LAMB4: variants seen among roughly 807,000 people sequenced by gnomAD.
The protein encoded by LAMB4 is laminin subunit beta-4.
Under a neutral mutation model 199.2 loss-of-function variants are expected in LAMB4, and 196 were observed. The observed-to-expected ratio is 0.98, with a 90% CI of 0.88 to 1.11. The LOEUF (loss-of-function observed/expected upper bound fraction) is 1.11, where lower values mean the gene tolerates loss of function less well. Among genes scored for constraint, LAMB4 ranks in the 50% least tolerant of loss-of-function variants. The pLI is 0.00. For synonymous variants in LAMB4, 744 were observed against 770.6 expected, an observed-to-expected ratio of 0.97 and a Z score of 0.57; for missense variants, 2,080 against 2,171.2, an observed-to-expected ratio of 0.96 and a Z score of 0.83.
intron 14 of LAMB4, among the ~76,000 whole-genome samples, chr7:108,086,675 GAGA>G (rs781395984): frequency 5.6e-4 from 86 of 152,272 alleles, no homozygotes; most frequent in African/African-American, 1.9e-3. Flanking sequence ...TTTAAGGGAT[GAGA>G]AGAAGTTTTC....
At chr7:108,120,038 G>A (rs1424307027) in intron 2 of LAMB4, among the ~76,000 whole-genome samples, 1 of 152,098 alleles carries the variant, frequency 6.6e-6, no homozygotes, top group Non-Finnish European at 1.5e-5. Flanking sequence ...CATGTGACAT[G>A]TTCTAGCTGC....
intron 11 of LAMB4, among the ~76,000 whole-genome samples, chr7:108,096,623 TA>T (rs2037608895): frequency 6.6e-6 from 1 of 152,014 alleles, no homozygotes; most frequent in South Asian, 2.1e-4. Flanking sequence ...GTATGGTATG[TA>T]AATTATATTC....
chr7:108,056,271 A>G (rs2035982988), intron 24 of LAMB4, among the ~76,000 whole-genome samples: 1 of 152,192 alleles, frequency 6.6e-6, no homozygotes, highest in Non-Finnish European at 1.5e-5. Context: ...AGCATCTACA[A>G]GTGGGATCCT....
chr7:108,052,156 A>C lies in LAMB4; in HGVS notation c.3857T>G (p.Leu1286Arg). ...ATCAATTTCTTCCTGAAGGTCTTCA[A>C]GTAAGAGGTCTGCTTCATTCTTTGC... ...ERAKNEADLL[L>R]EDLQEEIDLQ... Residue 1286 changes from leucine (L) to arginine (R), a missense_variant, in exon 26 of 34, where the codon CTT becomes CGT. Transcript: ENST00000388781. 1 of 1,613,146 alleles carries C rather than the reference A, an allele frequency of 6.2e-7. No individual in the cohort carries two copies. The highest frequency in any genetic ancestry group is 8.5e-7 in the Non-Finnish European group (1 of 1,179,536).
At chr7:108,091,544 C>A (rs2037401482) in intron 14 of LAMB4, 82 bp downstream of exon 14, 1 of 1,462,690 alleles carries the variant, frequency 6.8e-7, no homozygotes, top group South Asian at 1.4e-5. Flanking sequence ...GGTATCTTAA[C>A]CACGATCTCA....
rs775811221 is a variant in LAMB4 at position 108,111,804 on chromosome 7, A to T, written c.328+7T>A. ...AATAAACAACTGGAAAGGAACTTAAATCATACCATTTTCAGATTGCCACCA... is the reference window on the plus strand; with the variant it reads ...AATAAACAACTGGAAAGGAACTTAATTCATACCATTTTCAGATTGCCACCA... On this transcript the variant is annotated splice_region_variant and intron_variant, in intron 4 of 33. Coordinates refer to ENST00000388781, the MANE Select transcript of LAMB4 (RefSeq NM_007356.3). The T allele has an allele frequency of 1.4e-5, 22 of 1,610,942 alleles. 1 individual carries two copies. The South Asian group carries it at 2.4e-4, about 18-fold the overall frequency.
intron 22 of LAMB4, 49 bp from the exon 23 acceptor site, chr7:108,063,043 C>T (rs2036220870): frequency 7.7e-7 from 1 of 1,298,484 alleles, no homozygotes; most frequent in African/African-American, 1.5e-5. Context: ...ATAAATGTGG[C>T]ATTTAGCAAA....
chr7:108,086,617 T>C (rs919423126), intron 14 of LAMB4, among the ~76,000 whole-genome samples: 4 of 152,284 alleles, frequency 2.6e-5, no homozygotes, highest in Non-Finnish European at 5.9e-5. Flanking sequence ...GAAACAATTA[T>C]GTCCAGATGT....
At chr7:108,060,425 G>A (rs1167319897) in intron 23 of LAMB4, among the ~76,000 whole-genome samples, 2 of 152,174 alleles carry the variant, frequency 1.3e-5, no homozygotes, top group Non-Finnish European at 2.9e-5. Flanking sequence ...GGTGTGGGGA[G>A]TGGAGGGGAG....
chr7:108,028,218 A>G (rs2034905139), intron 33 of LAMB4, among the ~76,000 whole-genome samples: 1 of 152,174 alleles, frequency 6.6e-6, no homozygotes, highest in Non-Finnish European at 1.5e-5. Flanking sequence ...GATTATATTG[A>G]TTCTTTTGGA....
In LAMB4 at chr7:108,023,941, G is replaced by A. The variant is rs2034746760; in HGVS notation, c.*98C>T. 8.8e-6 allele frequency: 9 copies of A among 1,025,994 alleles called. No individual in the cohort carries two copies. The East Asian group carries it at 2.4e-4, about 27-fold the overall frequency. 63.6% of individuals were successfully genotyped at this position (1,025,994 alleles called of 1,614,324 possible). A position where few individuals can be genotyped will look rare whatever the true frequency, so the allele number is the denominator to read the frequency against. ...GGACAGGGTGTGGGGAAGGAAGGTAGAAGACATTGTCAGTATTTCACAGGT... is the reference window on the plus strand; with the variant it reads ...GGACAGGGTGTGGGGAAGGAAGGTAAAAGACATTGTCAGTATTTCACAGGT... On this transcript the variant is annotated 3_prime_UTR_variant, in exon 34 of 34. Coordinates refer to ENST00000388781, the MANE Select transcript of LAMB4 (RefSeq NM_007356.3).
intron 33 of LAMB4, among the ~76,000 whole-genome samples, chr7:108,024,801 C>T (rs2034777688): frequency 6.6e-6 from 1 of 152,142 alleles, no homozygotes; most frequent in Non-Finnish European, 1.5e-5. Context: ...AGTCTTCATT[C>T]AACAAATATC....
At chr7:108,109,085 A>G in intron 5 of LAMB4, 86 bp downstream of exon 5, 1 of 1,014,102 alleles carries the variant, frequency 9.9e-7, no homozygotes, top group Non-Finnish European at 1.6e-6. Flanking sequence ...TGTTCACTGC[A>G]AGGAAGCAAG....
At chr7:108,042,857 A>G (rs1027981035) in intron 29 of LAMB4, among the ~76,000 whole-genome samples, 1 of 152,128 alleles carries the variant, frequency 6.6e-6, no homozygotes, top group African/African-American at 2.4e-5. Context: ...ATTCATGTAT[A>G]AAATGTTAAA....
At chr7:108,063,020 G>A (rs769280838) in intron 22 of LAMB4, 26 bp from the exon 23 acceptor site, 3 of 1,457,956 alleles carry the variant, frequency 2.1e-6, no homozygotes, top group Non-Finnish European at 2.8e-6. Flanking sequence ...CATCATCAGA[G>A]GTAAATTCAA....
intron 14 of LAMB4, among the ~76,000 whole-genome samples, chr7:108,086,187 C>T (rs965153705): frequency 3.3e-5 from 5 of 152,208 alleles, no homozygotes; most frequent in Non-Finnish European, 7.3e-5. Flanking sequence ...AACAGGCCAG[C>T]CCTGTGCCTC....
At chr7:108,026,230 C>G (rs1732162) in intron 33 of LAMB4, among the ~76,000 whole-genome samples, 30,559 of 152,164 alleles carry the variant, frequency 0.2, 7,146 homozygotes, top group African/African-American at 0.58. Context: ...TAGTTCTTCC[C>G]ATCAAGAAGT....
the LAMB4 span, among the ~76,000 whole-genome samples, chr7:108,017,552 G>C: frequency 7.2e-5 from 11 of 152,150 alleles, no homozygotes; most frequent in African/African-American, 2.7e-4. Context: ...TTCTCTAAAG[G>C]ACTTAAACGT....
At chr7:108,127,760 C>A (rs191861257) in intron 1 of LAMB4, among the ~76,000 whole-genome samples, 2 of 152,316 alleles carry the variant, frequency 1.3e-5, no homozygotes, top group East Asian at 3.9e-4. Context: ...CTAAGCAACT[C>A]CCAAGTCTTT....
Sources: allele counts gnomAD v4.1 joint callset (sites outside exome capture counted in the v4.1 genomes callset), GRCh38; gene constraint gnomAD v4.1.1; transcripts MANE v1.5; gene names NCBI Gene and HGNC (gene_info 2026-07-23, HGNC 2026-07-21).